The following APP variants were observed in gnomAD, a reference collection of about 807,000 sequenced individuals.
APP encodes amyloid beta precursor protein.
A neutral mutation model predicts 101.4 loss-of-function variants in APP; 31 were observed. The ratio of observed to expected loss-of-function variants is 0.31; its 90% CI spans 0.23 to 0.41. The LOEUF (loss-of-function observed/expected upper bound fraction) is 0.41. Ranked by LOEUF, APP falls within the 10% of genes least tolerant of loss-of-function variation. The pLI is 1.00. For synonymous variants in APP, 366 were observed against 364.4 expected (o/e 1.00, Z -0.05); for missense variants, 839 against 1,003.7 (o/e 0.84, Z 2.22).
intron 11 of APP, among the ~76,000 whole-genome samples, chr21:25,956,356 T>A (rs1400649154): frequency 2.6e-5 from 4 of 152,250 alleles, no homozygotes; most frequent in African/African-American, 9.6e-5. Flanking sequence ...TATCAGATTC[T>A]AATTCTTTCA....
At chr21:26,161,533 C>T (rs1227843550) in intron 1 of APP, among the ~76,000 whole-genome samples, 2 of 152,174 alleles carry the variant, frequency 1.3e-5, no homozygotes, top group Middle Eastern at 3.4e-3. Flanking sequence ...TTGGTTGTAC[C>T]CCTAAGAATC....
At chr21:25,892,226 TG>T (rs1262606152) in intron 16 of APP, among the ~76,000 whole-genome samples, 2 of 151,978 alleles carry the variant, frequency 1.3e-5, no homozygotes, top group Admixed American at 1.3e-4. Context: ...TGGTGAGTGG[TG>T]GGAAGATAGC....
Position 26,170,705 on chromosome 21 carries a change from C to G in APP, c.-85G>C. 7.2e-7 allele frequency: 1 copy of G among 1,381,844 alleles called. No individual in the cohort carries two copies. 85.6% of individuals were successfully genotyped at this position (1,381,844 alleles called of 1,614,324 possible). On this transcript the variant is annotated 5_prime_UTR_variant, in exon 1 of 18. Transcript: ENST00000346798. ...GCTCTGCCCGCGCCGCCACCGCCGC[C>G]GTCTCCCGGGGCCCCCGCGCACGCT...
chr21:25,913,569 G>A (rs1001933227), intron 13 of APP, among the ~76,000 whole-genome samples: 1 of 152,160 alleles, frequency 6.6e-6, no homozygotes, highest in African/African-American at 2.4e-5. Context: ...GCTAAAGAGA[G>A]GATATTCTGG....
intron 8 of APP, among the ~76,000 whole-genome samples, chr21:25,987,375 C>T (rs2042678862): frequency 6.6e-6 from 1 of 152,204 alleles, no homozygotes; most frequent in Admixed American, 6.5e-5. Flanking sequence ...GGTTCAATAT[C>T]CTTAGCTCTA....
chr21:25,952,225 C>CACACACACACACAT (rs1555901901), intron 13 of APP, among the ~76,000 whole-genome samples: 3 of 151,122 alleles, frequency 2.0e-5, no homozygotes, highest in Non-Finnish European at 4.4e-5. Context: ...CACACACACA[C>CACACACACACACAT]ATTAAGAGCA....
intron 1 of APP, among the ~76,000 whole-genome samples, chr21:26,122,813 C>T (rs548539998): frequency 6.9e-6 from 1 of 145,958 alleles, no homozygotes; most frequent in African/African-American, 2.5e-5. Flanking sequence ...AGGTCATTAA[C>T]GCAAGTCATA....
At chr21:26,072,214 T>C (rs1308409428) in intron 3 of APP, among the ~76,000 whole-genome samples, 3 of 152,200 alleles carry the variant, frequency 2.0e-5, no homozygotes, top group Non-Finnish European at 4.4e-5. Flanking sequence ...AGTATAACAA[T>C]AAATAACAGG....
chr21:25,881,918 C>G, intron 17 of APP, 147 bp from the exon 18 acceptor site: 1 of 854,952 alleles, frequency 1.2e-6, no homozygotes, highest in South Asian at 1.4e-5. Flanking sequence ...ACTTTGACAT[C>G]TTGGAGCAGA....
At chr21:26,155,246 A>T (rs1478139862) in intron 1 of APP, among the ~76,000 whole-genome samples, 1 of 152,230 alleles carries the variant, frequency 6.6e-6, no homozygotes, top group Non-Finnish European at 1.5e-5. Context: ...TGGGCAACCG[A>T]CTGAGTGAGA....
chr21:25,951,923 G>T (rs2041092840), intron 13 of APP, among the ~76,000 whole-genome samples: 1 of 152,076 alleles, frequency 6.6e-6, no homozygotes, highest in South Asian at 2.1e-4. Context: ...ATGACAACTA[G>T]GTTCAACCCA....
chr21:26,047,965 G>T (rs988971945), intron 5 of APP, among the ~76,000 whole-genome samples: 23 of 152,268 alleles, frequency 1.5e-4, no homozygotes, highest in Admixed American at 3.9e-4. Context: ...TAAATAAAAT[G>T]TTGTTAAAAT....
intron 6 of APP, among the ~76,000 whole-genome samples, chr21:26,005,971 G>T (rs2043514043): frequency 6.6e-6 from 1 of 152,012 alleles, no homozygotes; most frequent in Non-Finnish European, 1.5e-5. Flanking sequence ...AAGTTGAAAA[G>T]AAAACAAATT....
intron 1 of APP, among the ~76,000 whole-genome samples, chr21:26,167,933 A>G (rs1457361517): frequency 6.6e-6 from 1 of 152,122 alleles, no homozygotes; most frequent in Non-Finnish European, 1.5e-5. Flanking sequence ...ATCAAACCTG[A>G]GCTTTACTAT....
chr21:26,093,249 C>A (rs1198186029), intron 2 of APP, among the ~76,000 whole-genome samples: 1 of 152,152 alleles, frequency 6.6e-6, no homozygotes, highest in African/African-American at 2.4e-5. Flanking sequence ...CACAAAGCTG[C>A]AGCACTCATG....
intron 13 of APP, among the ~76,000 whole-genome samples, chr21:25,932,390 T>C (rs1805476990): frequency 6.6e-6 from 1 of 152,174 alleles, no homozygotes; most frequent in Admixed American, 6.5e-5. Context: ...ATCTTGGTGC[T>C]GGAAAGTACG....
intron 14 of APP, among the ~76,000 whole-genome samples, chr21:25,909,590 T>TAAAC (rs2038966461): frequency 6.6e-6 from 1 of 152,196 alleles, no homozygotes; most frequent in Non-Finnish European, 1.5e-5. Context: ...TATGTGTGTG[T>TAAAC]GTGTACATTC....
intron 2 of APP, among the ~76,000 whole-genome samples, chr21:26,091,631 T>C (rs891175632): frequency 1.3e-5 from 2 of 152,042 alleles, no homozygotes; most frequent in African/African-American, 2.4e-5. Context: ...ATGGTGAACA[T>C]CGATGAGGTA....
chr21:25,930,959 G>A (rs2040120871), intron 13 of APP, among the ~76,000 whole-genome samples: 1 of 152,208 alleles, frequency 6.6e-6, no homozygotes, highest in Non-Finnish European at 1.5e-5. Context: ...CGATGCACAG[G>A]AGTGAGAGAA....
Sources: gnomAD v4.1 joint callset for allele counts (sites outside exome capture counted in the v4.1 genomes callset) on GRCh38, gnomAD v4.1.1 for gene constraint, MANE v1.5 for transcripts, NCBI Gene and HGNC (gene_info 2026-07-23, HGNC 2026-07-21) for gene names.